The following SYT14 variants were observed in gnomAD, a reference collection of about 807,000 sequenced individuals.
SYT14 encodes synaptotagmin-14.
In SYT14, 32 loss-of-function variants were observed where a neutral mutation model predicts 74.2. The ratio of observed to expected loss-of-function variants is 0.43; its 90% CI spans 0.33 to 0.58. The LOEUF (loss-of-function observed/expected upper bound fraction) is 0.58. Ranked by LOEUF, SYT14 falls within the 20% of genes least tolerant of loss-of-function variation. The pLI is 0.05. For missense variants in SYT14, 791 were observed against 981.8 expected (o/e 0.81, Z 2.60); for synonymous variants, 298 against 337.7 (o/e 0.88, Z 1.29).
chr1:210,027,710 ATTCT>A (rs1351213948), intron 5 of SYT14, among the ~76,000 whole-genome samples: 1 of 152,048 alleles, frequency 6.6e-6, no homozygotes, highest in Non-Finnish European at 1.5e-5. Context: ...CCTCTAAGGA[ATTCT>A]TTATCGTGTG....
intron 1 of SYT14, among the ~76,000 whole-genome samples, chr1:209,951,122 G>T (rs2078905305): frequency 1.3e-5 from 2 of 151,982 alleles, no homozygotes; most frequent in South Asian, 2.1e-4. Flanking sequence ...CCTTTTTTGT[G>T]GTGAGAACAT....
chr1:209,938,271 A>G, exon 1 of SYT14: 1 of 1,562,414 alleles, frequency 6.4e-7, no homozygotes, highest in Non-Finnish European at 8.7e-7. Context: ...CATCATGGCG[A>G]TTGAAGGTAA....
chr1:210,074,570 G>A (rs1039658904), intron 5 of SYT14, among the ~76,000 whole-genome samples: 9 of 152,326 alleles, frequency 5.9e-5, no homozygotes, highest in African/African-American at 1.9e-4. Context: ...AAAAATTTCT[G>A]TTAGGATGTT....
chr1:210,142,837 A>G (rs531935380), intron 7 of SYT14, among the ~76,000 whole-genome samples: 1 of 152,298 alleles, frequency 6.6e-6, no homozygotes, highest in South Asian at 2.1e-4. Context: ...AATGGGGAAA[A>G]GATAACTAAG....
intron 7 of SYT14, among the ~76,000 whole-genome samples, chr1:210,143,487 CGTTT>C (rs929067505): frequency 4.0e-5 from 6 of 151,804 alleles, no homozygotes; most frequent in Admixed American, 2.0e-4. Context: ...CATTTGCTCC[CGTTT>C]GTTTATATTT....
chr1:210,099,717 A>G (rs1222896760), intron 6 of SYT14, among the ~76,000 whole-genome samples: 2 of 152,236 alleles, frequency 1.3e-5, no homozygotes, highest in African/African-American at 4.8e-5. Context: ...ACTAAAGGAT[A>G]TATTTTAAAT....
chr1:209,971,576 T>A (rs1351409472), intron 2 of SYT14, among the ~76,000 whole-genome samples: 4 of 152,182 alleles, frequency 2.6e-5, no homozygotes, highest in Non-Finnish European at 1.5e-5. Flanking sequence ...CCTAGTTTGT[T>A]GAGGGTTTTT....
In SYT14 at chr1:210,087,611, A is replaced by G. The variant is rs1452389923; in HGVS notation, c.1313-6711A>G. 2.6e-5 allele frequency among the ~76,000 whole-genome samples: 4 copies of G among 151,902 alleles called. No individual in the cohort carries two copies. The East Asian group carries it at 7.8e-4, about 30-fold the overall frequency. On this transcript the variant is annotated intron_variant, in intron 5 of 9. Coordinates refer to ENST00000637265, the Ensembl canonical transcript of SYT14. Reference sequence around the variant, plus strand: ...CAGCATGCTCTGTAGGACTGCCCCCATGTATGTGTGATGTCTTTACCCTAC... The same window carrying G: ...CAGCATGCTCTGTAGGACTGCCCCCGTGTATGTGTGATGTCTTTACCCTAC...
At chr1:210,016,257 A>G in exon 4 of SYT14, 1 of 1,232,192 alleles carries the variant, frequency 8.1e-7, no homozygotes, top group Non-Finnish European at 1.0e-6. Context: ...AAAAACACTA[A>G]TTGTCAGAAA....
At chr1:210,001,497 C>T (rs932264276) in intron 2 of SYT14, among the ~76,000 whole-genome samples, 1 of 152,124 alleles carries the variant, frequency 6.6e-6, no homozygotes, top group Non-Finnish European at 1.5e-5. Context: ...TTTTAAATTA[C>T]ATTTATATTC....
chr1:210,061,469 TAGACTA>T (rs1336113782), intron 5 of SYT14, among the ~76,000 whole-genome samples: 3 of 151,938 alleles, frequency 2.0e-5, no homozygotes, highest in Admixed American at 2.0e-4. Flanking sequence ...TAGATGTTTA[TAGACTA>T]AGGTTCAGTT....
chr1:209,940,154 C>T (rs1280520817), intron 1 of SYT14, among the ~76,000 whole-genome samples: 1 of 152,086 alleles, frequency 6.6e-6, no homozygotes, highest in East Asian at 1.9e-4. Flanking sequence ...GATGGCAGTT[C>T]GAATTAGCCT....
intron 2 of SYT14, among the ~76,000 whole-genome samples, chr1:209,993,103 G>C (rs1047776117): frequency 6.6e-6 from 1 of 152,174 alleles, no homozygotes; most frequent in Non-Finnish European, 1.5e-5. Context: ...GCAGAGCCTG[G>C]GAGTTTTTGT....
At chr1:209,988,405 A>G (rs2079607967) in intron 2 of SYT14, among the ~76,000 whole-genome samples, 1 of 151,702 alleles carries the variant, frequency 6.6e-6, no homozygotes, top group Non-Finnish European at 1.5e-5. Flanking sequence ...AATTTTATCA[A>G]TTTTCTGAGT....
chr1:209,966,959 A>G (rs2079166817), intron 2 of SYT14, among the ~76,000 whole-genome samples: 1 of 152,192 alleles, frequency 6.6e-6, no homozygotes, highest in Non-Finnish European at 1.5e-5. Flanking sequence ...TTTGCCAGTA[A>G]GTATGATGTT....
At chr1:209,978,371 A>G (rs1011128822) in intron 2 of SYT14, among the ~76,000 whole-genome samples, 1 of 152,312 alleles carries the variant, frequency 6.6e-6, no homozygotes, top group African/African-American at 2.4e-5. Flanking sequence ...GGTGACGTAC[A>G]GATGGGATTT....
chr1:210,024,530 G>A (rs2080369156), intron 5 of SYT14, among the ~76,000 whole-genome samples: 1 of 152,104 alleles, frequency 6.6e-6, no homozygotes, highest in African/African-American at 2.4e-5. Flanking sequence ...AGGGACCTGT[G>A]TTTGGTTGGA....
chr1:210,115,374 C>T (rs1271481213), intron 7 of SYT14, among the ~76,000 whole-genome samples: 1 of 150,996 alleles, frequency 6.6e-6, no homozygotes, highest in Non-Finnish European at 1.5e-5. Flanking sequence ...GCTTGCCCCC[C>T]AGGAAAGTGG....
At chr1:210,044,872 A>G (rs769485751) in intron 5 of SYT14, among the ~76,000 whole-genome samples, 32 of 152,162 alleles carry the variant, frequency 2.1e-4, no homozygotes, top group African/African-American at 7.5e-4. Context: ...GGCACATCAC[A>G]TGGTGAGAAT....
Sources: allele counts gnomAD v4.1 joint callset (sites outside exome capture counted in the v4.1 genomes callset), GRCh38; gene constraint gnomAD v4.1.1; transcripts MANE v1.5; gene names NCBI Gene and HGNC (gene_info 2026-07-23, HGNC 2026-07-21).